Variants in AUH observed in about 807,000 individuals in gnomAD.
AUH encodes the protein AU RNA binding methylglutaconyl-CoA hydratase, also known as methylglutaconyl-CoA hydratase, mitochondrial.
AUH carries 29 observed loss-of-function variants against 42.3 expected under a neutral mutation model. The ratio of observed to expected loss-of-function variants is 0.69; its 90% CI spans 0.51 to 0.93. The LOEUF is 0.93. AUH is among the 40% of genes least tolerant of loss of function. The probability of loss-of-function intolerance (pLI) is 0.00; values close to 1 mark genes in which losing one functional copy is unlikely to be tolerated. For missense variants in AUH, 452 were observed against 438.1 expected (o/e 1.03, Z -0.28); for synonymous variants, 174 against 166.4 (o/e 1.05, Z -0.35).
intron 6 of AUH, among the ~76,000 whole-genome samples, chr9:91,225,211 G>C (rs370068465): frequency 3.3e-5 from 5 of 152,296 alleles, no homozygotes; most frequent in Admixed American, 2.0e-4. Flanking sequence ...CAAAATCTTG[G>C]TGCAATCATA....
chr9:91,232,199 A>G (rs1261449802), intron 6 of AUH, among the ~76,000 whole-genome samples: 1 of 152,090 alleles, frequency 6.6e-6, no homozygotes. Context: ...AGCCTGGCCA[A>G]CGTAACAAGA....
chr9:91,251,812 TGGTAAGG>T (rs137874021), intron 6 of AUH, among the ~76,000 whole-genome samples: 14,775 of 152,230 alleles, frequency 0.097, 728 homozygotes, highest in Middle Eastern at 0.12. Context: ...AATTATAATG[TGGTAAGG>T]GGTTGATAAA....
Position 91,342,050 on chromosome 9 carries a change from C to T in AUH, c.418+13833G>A, listed in dbSNP as rs143197156. Among the ~76,000 whole-genome samples the T allele has an allele frequency of 2.7e-3, 408 of 152,314 alleles. 3 individuals are homozygous for T. The highest frequency in any genetic ancestry group is 9.5e-3 in the African/African-American group (394 of 41,570). On this transcript the variant is annotated intron_variant, in intron 3 of 9. Coordinates refer to ENST00000375731, the MANE Select transcript of AUH (RefSeq NM_001698.3). ...TGGCCAGAGTAGGCGAGACCTGACACACTTGGTATCAGTTTCCTGGTGCTG... is the reference window on the plus strand; with the variant it reads ...TGGCCAGAGTAGGCGAGACCTGACATACTTGGTATCAGTTTCCTGGTGCTG...
intron 7 of AUH, 97 bp from the exon 8 acceptor site, chr9:91,217,424 T>G (rs771770937): frequency 1.6e-6 from 2 of 1,271,260 alleles, no homozygotes; most frequent in Non-Finnish European, 2.3e-6. Context: ...CTGGATCCAT[T>G]GCACAGCCAG....
intron 6 of AUH, among the ~76,000 whole-genome samples, chr9:91,281,692 GTCA>G (rs938756309): frequency 9.2e-5 from 14 of 152,164 alleles, no homozygotes; most frequent in Non-Finnish European, 1.8e-4. Context: ...AATCCTTGGA[GTCA>G]TTCTTTACAT....
At chr9:91,282,518 G>A (rs1035491051) in intron 6 of AUH, among the ~76,000 whole-genome samples, 2 of 152,156 alleles carry the variant, frequency 1.3e-5, no homozygotes, top group African/African-American at 4.8e-5. Flanking sequence ...AGGCAAGTGA[G>A]TAAACATGCC....
chr9:91,218,772 C>A (rs1826965976), intron 7 of AUH: 1 of 984,598 alleles, frequency 1.0e-6, no homozygotes, highest in Admixed American at 6.2e-5. Flanking sequence ...CCTAGAAATA[C>A]TGATTTTACA....
chr9:91,263,087 G>A (rs1216684661), intron 6 of AUH, among the ~76,000 whole-genome samples: 3 of 152,190 alleles, frequency 2.0e-5, no homozygotes, highest in African/African-American at 7.2e-5. Flanking sequence ...TAGAGTAGAA[G>A]CAGAACAGTG....
chr9:91,244,220 T>C (rs998220165), intron 6 of AUH, among the ~76,000 whole-genome samples: 7 of 152,210 alleles, frequency 4.6e-5, no homozygotes, highest in African/African-American at 1.7e-4. Context: ...CACCAACAAC[T>C]ATTGCTTCTT....
At chr9:91,228,067 G>T (rs372492408) in intron 6 of AUH, among the ~76,000 whole-genome samples, 5 of 152,186 alleles carry the variant, frequency 3.3e-5, no homozygotes, top group Non-Finnish European at 4.4e-5. Flanking sequence ...GCTGGCCTCA[G>T]AAAATGAGTT....
At chr9:91,255,050 G>A (rs905638213) in intron 6 of AUH, among the ~76,000 whole-genome samples, 14 of 152,200 alleles carry the variant, frequency 9.2e-5, no homozygotes, top group Non-Finnish European at 1.6e-4. Flanking sequence ...GGAATAAAGT[G>A]TAAGGTTAGA....
intron 4 of AUH, chr9:91,306,267 A>G: frequency 1.3e-6 from 1 of 752,070 alleles, no homozygotes; most frequent in Non-Finnish European, 1.6e-6. Flanking sequence ...AAATGCACAG[A>G]TGACAGGCTG....
chr9:91,345,155 C>T (rs1406971144), intron 3 of AUH, among the ~76,000 whole-genome samples: 2 of 151,902 alleles, frequency 1.3e-5, no homozygotes, highest in Non-Finnish European at 2.9e-5. Context: ...AAGACAAAGA[C>T]GAACACTCAC....
intron 6 of AUH, among the ~76,000 whole-genome samples, chr9:91,274,468 T>C (rs1460809609): frequency 6.6e-6 from 1 of 152,226 alleles, no homozygotes; most frequent in African/African-American, 2.4e-5. Context: ...GTGTTCTTAA[T>C]ATACTTGAAT....
intron 6 of AUH, among the ~76,000 whole-genome samples, chr9:91,226,467 G>C (rs1484462553): frequency 3.7e-4 from 56 of 152,074 alleles, no homozygotes; most frequent in Non-Finnish European, 1.0e-4. Flanking sequence ...TGTCAGATGA[G>C]TAGGTTGCAA....
chr9:91,265,074 T>A (rs1829898282), intron 6 of AUH, among the ~76,000 whole-genome samples: 1 of 151,878 alleles, frequency 6.6e-6, no homozygotes, highest in Non-Finnish European at 1.5e-5. Flanking sequence ...ATTTCACAAA[T>A]ACACACCCAC....
chr9:91,293,195 C>T (rs1827052371), intron 6 of AUH, among the ~76,000 whole-genome samples: 1 of 152,172 alleles, frequency 6.6e-6, no homozygotes, highest in Non-Finnish European at 1.5e-5. Context: ...AATGAATAAC[C>T]TTCCAGTGAC....
Position 91,214,278 on chromosome 9 carries a change from A to G in AUH, c.*70T>C, listed in dbSNP as rs1826696057. Reference sequence around the variant, plus strand: ...ATTAAGGTTCCATGTGCTGAGGCATATAGTGGATCCGAAAGACACTTCCAG... The same window carrying G: ...ATTAAGGTTCCATGTGCTGAGGCATGTAGTGGATCCGAAAGACACTTCCAG... On this transcript the variant is annotated 3_prime_UTR_variant, in exon 10 of 10. Transcript: ENST00000375731. 8.4e-6 allele frequency: 11 copies of G among 1,310,386 alleles called. No homozygotes were observed. The Admixed American group carries it at 2.1e-4, about 25-fold the overall frequency. The allele number at this position is 1,310,386 out of a possible 1,614,324, so 81.2% of individuals were successfully genotyped here.
intron 5 of AUH, among the ~76,000 whole-genome samples, chr9:91,296,815 C>A (rs779708878): frequency 6.6e-6 from 1 of 152,150 alleles, no homozygotes; most frequent in Non-Finnish European, 1.5e-5. Flanking sequence ...AACCAGAAAT[C>A]CCAAGAAACT....
Sources: gnomAD v4.1 joint callset for allele counts (sites outside exome capture counted in the v4.1 genomes callset) on GRCh38, gnomAD v4.1.1 for gene constraint, MANE v1.5 for transcripts, NCBI Gene and HGNC (gene_info 2026-07-23, HGNC 2026-07-21) for gene names.